Variants in BPIFA2 observed in about 807,000 individuals in gnomAD.
BPIFA2 encodes the protein BPI fold containing family A member 2.
A neutral mutation model predicts 25.7 loss-of-function variants in BPIFA2; 20 were observed. The observed-to-expected ratio is 0.78, with a 90% CI of 0.55 to 1.13. The LOEUF is 1.13. Ranked by LOEUF, BPIFA2 falls within the 50% of genes most tolerant of loss-of-function variation. The probability of loss-of-function intolerance (pLI) is 0.00; values close to 1 mark genes in which losing one functional copy is unlikely to be tolerated. For synonymous variants in BPIFA2, 126 were observed against 124.3 expected (o/e 1.01, Z -0.09); for missense variants, 300 against 298.1 (o/e 1.01, Z -0.05).
exon 1 of BPIFA2, chr20:33,161,882 C>CA (rs1983589960): frequency 1.3e-5 from 2 of 152,358 alleles, no homozygotes; most frequent in Admixed American, 1.3e-4. Flanking sequence ...CCAGCAGAAA[C>CA]AGAGAAGTCT....
At chr20:33,171,923 A>G (rs747164447) in intron 2 of BPIFA2, among the ~76,000 whole-genome samples, 2 of 152,250 alleles carry the variant, frequency 1.3e-5, no homozygotes, top group Non-Finnish European at 2.9e-5. Flanking sequence ...ATTCTACTAT[A>G]AAGACACATG....
intron 6 of BPIFA2, among the ~76,000 whole-genome samples, chr20:33,179,003 G>A (rs900633534): frequency 2.6e-5 from 4 of 152,164 alleles, no homozygotes; most frequent in African/African-American, 9.7e-5. Flanking sequence ...GGGTTCCAAA[G>A]TTCAACATGG....
intron 2 of BPIFA2, 78 bp from the exon 3 acceptor site, chr20:33,172,854 C>T: frequency 2.1e-6 from 3 of 1,443,758 alleles, no homozygotes; most frequent in Non-Finnish European, 2.8e-6. Context: ...CATAGGCAAA[C>T]AGTCTTACCC....
intron 2 of BPIFA2, among the ~76,000 whole-genome samples, chr20:33,172,242 C>A (rs953789504): frequency 6.9e-6 from 1 of 145,330 alleles, no homozygotes; most frequent in African/African-American, 2.6e-5. Context: ...CATTTGGGGG[C>A]TTGGGGGCAA....
chr20:33,173,186 C>T (rs1983961083), intron 3 of BPIFA2, 110 bp downstream of exon 3: 2 of 1,358,290 alleles, frequency 1.5e-6, no homozygotes. Context: ...ATTCCCCTCC[C>T]ACAGAGCCAA....
chr20:33,162,300 C>T (rs115071837), intron 1 of BPIFA2, among the ~76,000 whole-genome samples: 2,670 of 152,130 alleles, frequency 0.018, 70 homozygotes, highest in African/African-American at 0.062. Flanking sequence ...GTTTTTATTC[C>T]CCCTTTTGAT....
chr20:33,163,972 G>T (rs1983649423), upstream of BPIFA2, among the ~76,000 whole-genome samples: 1 of 152,088 alleles, frequency 6.6e-6, no homozygotes, highest in Non-Finnish European at 1.5e-5. Context: ...ATGGGAATAA[G>T]ACAGTCCCTG....
At chr20:33,180,427 G>A (rs1391789566) in intron 7 of BPIFA2, 93 bp from the exon 8 acceptor site, 7 of 1,402,884 alleles carry the variant, frequency 5.0e-6, no homozygotes, top group African/African-American at 4.3e-5. Context: ...CAACTGTCAG[G>A]TTACCGGCTG....
chr20:33,178,376 A>T, intron 6 of BPIFA2, 148 bp downstream of exon 6: 1 of 590,876 alleles, frequency 1.7e-6, no homozygotes, highest in Non-Finnish European at 2.9e-6. Context: ...TCCTCTACTA[A>T]TCAGCCTGGT....
At chr20:33,167,378 C>CTCA (rs1024293284), upstream of BPIFA2, among the ~76,000 whole-genome samples, 1 of 152,194 alleles carries the variant, frequency 6.6e-6, no homozygotes, top group Non-Finnish European at 1.5e-5. Context: ...AAACAGGATA[C>CTCA]TCAGGCCCAG....
At chr20:33,164,606 C>T (rs1176901668), upstream of BPIFA2, among the ~76,000 whole-genome samples, 1 of 151,606 alleles carries the variant, frequency 6.6e-6, no homozygotes, top group African/African-American at 2.4e-5. Context: ...CCTTTCCTGC[C>T]TTTCTTCCCT....
chr20:33,169,464 G>C (rs1983831494), intron 2 of BPIFA2, among the ~76,000 whole-genome samples, 162 bp downstream of exon 2: 1 of 152,206 alleles, frequency 6.6e-6, no homozygotes, highest in South Asian at 2.1e-4. Flanking sequence ...CTAGAAACAA[G>C]CAATGCCACA....
chr20:33,163,027 G>A (rs542712565), intron 1 of BPIFA2, among the ~76,000 whole-genome samples: 4 of 152,356 alleles, frequency 2.6e-5, no homozygotes, highest in African/African-American at 9.6e-5. Flanking sequence ...GTAATTGTCA[G>A]TGTGCGTGTT....
intron 6 of BPIFA2, among the ~76,000 whole-genome samples, chr20:33,178,904 G>T (rs191374275): frequency 1.2e-4 from 18 of 152,274 alleles, no homozygotes; most frequent in Middle Eastern, 3.4e-3. Context: ...AATCTGCGGG[G>T]AACTGTGTAC....
chr20:33,170,420 A>G (rs144714998), intron 2 of BPIFA2, among the ~76,000 whole-genome samples: 18 of 152,152 alleles, frequency 1.2e-4, no homozygotes, highest in Middle Eastern at 3.4e-3. Flanking sequence ...CATGACATTT[A>G]TTATTTTTTG....
chr20:33,179,125 T>C (rs1398650543), intron 6 of BPIFA2, among the ~76,000 whole-genome samples: 5 of 152,102 alleles, frequency 3.3e-5, no homozygotes, highest in Non-Finnish European at 7.4e-5. Flanking sequence ...TGGGATCCCA[T>C]TGTTCTAAAA....
At chr20:33,172,349 T>C (rs1983923384) in intron 2 of BPIFA2, among the ~76,000 whole-genome samples, 1 of 152,036 alleles carries the variant, frequency 6.6e-6, no homozygotes, top group Non-Finnish European at 1.5e-5. Context: ...GGCACATGTA[T>C]ACCTATGTAA....
In BPIFA2 at chr20:33,174,235, C is replaced by A. The variant is rs766147977; in HGVS notation, c.410+49C>A. On this transcript the variant is annotated intron_variant, in intron 4 of 8. Coordinates refer to ENST00000354932, the MANE Select transcript of BPIFA2 (RefSeq NM_080574.4). Reference sequence around the variant, plus strand: ...ATTTGGGAAAGGCAGTGCAACCTGGCCGATGGATGCCCAACCTGGGAATCG... The same window carrying A: ...ATTTGGGAAAGGCAGTGCAACCTGGACGATGGATGCCCAACCTGGGAATCG... 2.6e-6 allele frequency: 4 copies of A among 1,537,374 alleles called. No individual in the cohort carries two copies. The African/African-American group carries it at 4.1e-5, about 16-fold the overall frequency.
intron 2 of BPIFA2, among the ~76,000 whole-genome samples, chr20:33,172,096 G>T (rs940284041): frequency 1.3e-5 from 2 of 152,156 alleles, no homozygotes; most frequent in Non-Finnish European, 2.9e-5. Context: ...CAGGGACATG[G>T]ATGAAGCCAG....
Sources: allele counts gnomAD v4.1 joint callset (sites outside exome capture counted in the v4.1 genomes callset), GRCh38; gene constraint gnomAD v4.1.1; transcripts MANE v1.5; gene names NCBI Gene and HGNC (gene_info 2026-07-23, HGNC 2026-07-21).